Variants in RGS11 observed in about 807,000 individuals in gnomAD.
RGS11 encodes the protein regulator of G-protein signaling 11.
RGS11 carries 86 observed loss-of-function variants against 71.1 expected under a neutral mutation model. The ratio of observed to expected loss-of-function variants is 1.21; its 90% confidence interval spans 1.02 to 1.45. The LOEUF is 1.45. Among genes scored for constraint, RGS11 ranks in the 40% most tolerant of loss-of-function variants. RGS11 has a pLI of 0.00. For missense variants in RGS11, 734 were observed against 635.1 expected, an observed-to-expected ratio of 1.16 and a Z score of -1.67; for synonymous variants, 298 against 254.2, an observed-to-expected ratio of 1.17 and a Z score of -1.64.
chr16:274,916 T>G (rs1489743809), intron 4 of RGS11, 60 bp downstream of exon 4: 1 of 1,479,050 alleles, frequency 6.8e-7, no homozygotes, highest in South Asian at 1.2e-5. Context: ...CCCGAGTTGG[T>G]AAGCTGGGTG....
chr16:275,872 CCCGGGGGCGG>C lies in RGS11; in HGVS notation c.30_39del (p.Pro12ArgfsTer5). On this transcript the variant is annotated frameshift_variant, in exon 1 of 17. Transcript: ENST00000397770. LOFTEE classifies it high-confidence loss of function. ...ACCTTCCTCAGATGCGGCATCTGCG[CCCGGGGGCGG>C]CCGGGGGGCGGCGCGGGGCCGGCGG... is the stretch of plus-strand genomic sequence containing the variant. The C allele has an allele frequency of 4.9e-6, 5 of 1,022,638 alleles. No homozygotes were observed. Among genetic ancestry groups the C allele is most frequent in the Non-Finnish European group, 4.8e-6 (4 of 839,250 alleles). 63.3% of individuals were successfully genotyped at this position (1,022,638 alleles called of 1,614,324 possible). A position where few individuals can be genotyped will look rare whatever the true frequency, so the allele number is the denominator to read the frequency against.
rs745943037 is a variant in RGS11, at chr16:274,077, A to C, written c.395T>G (p.Ile132Ser). 42 of 1,551,356 alleles carry C rather than the reference A, an allele frequency of 2.7e-5. No individual in the cohort carries two copies. Among genetic ancestry groups the C allele is most frequent in the Non-Finnish European group, 3.6e-5 (41 of 1,147,322 alleles). The change falls in exon 6 of 17, where the codon ATC becomes AGC. Residue 132 changes from isoleucine to serine, a missense_variant. By Grantham distance (142) the Ile-to-Ser change is moderately radical. Transcript: ENST00000397770. Reference sequence around the variant, plus strand: ...ATCCACCAGGGTCCCCCGTTTTCGGATGTTCTTCTTGGCCAGGTAGATGGC... The same window carrying C: ...ATCCACCAGGGTCCCCCGTTTTCGGCTGTTCTTCTTGGCCAGGTAGATGGC... ...DYAIYLAKKN[I>S]RKRGTLVDYE... is the part of the protein sequence containing the mutation.
At chr16:270,411 G>A in intron 15 of RGS11, 112 bp downstream of exon 15, 2 of 1,319,066 alleles carry the variant, frequency 1.5e-6, no homozygotes, top group Non-Finnish European at 2.1e-6. Flanking sequence ...GTGCTCCCCA[G>A]GGGCAGAGTC....
At position 270,646 on chromosome 16, in the gene RGS11, G is replaced by A. The variant is rs142035342; in HGVS notation, c.1083C>T (p.Pro361=). The change falls in exon 15 of 17, where the codon CCC becomes CCT. Residue 361 remains proline, a synonymous_variant. Coordinates refer to ENST00000397770, the MANE Select transcript of RGS11 (RefSeq NM_183337.3). ...CGATGTTGACCCAGTGGGCAGCTCCGGGGGCCAGGAACTGCCTAGGGGTGG... is the reference window on the plus strand; with the variant it reads ...CGATGTTGACCCAGTGGGCAGCTCCAGGGGCCAGGAACTGCCTAGGGGTGG... ...VDAVYEQFLA[P]GAAHWVNIDS... is the part of the protein sequence containing the mutation. 19 of 1,609,230 alleles carry A rather than the reference G, an allele frequency of 1.2e-5. No individual in the cohort carries two copies. The highest frequency in any genetic ancestry group is 1.1e-4 in the African/African-American group (8 of 74,834).
intron 15 of RGS11, among the ~76,000 whole-genome samples, chr16:270,146 G>A (rs892555483): frequency 3.8e-4 from 58 of 152,152 alleles, no homozygotes; most frequent in Non-Finnish European, 3.8e-4. Context: ...CTACTCAGGA[G>A]GCTGAGGCAG....
intron 7 of RGS11, 68 bp downstream of exon 7, chr16:273,692 T>C: frequency 6.4e-7 from 1 of 1,560,268 alleles, no homozygotes; most frequent in Non-Finnish European, 8.8e-7. Flanking sequence ...GAGCCTGGCC[T>C]GGGCTGGGCT....
At position 270,660 on chromosome 16, in the gene RGS11, G is replaced by A. The variant is rs1191824318; in HGVS notation, c.1069C>T (p.Gln357Ter). The change falls in exon 15 of 17, where the codon CAG becomes TAG. Residue 357 changes from glutamine (Q) to a stop codon, truncating the protein, a stop_gained and splice_region_variant. Transcript: ENST00000397770. LOFTEE classifies it high-confidence loss of function. ...VPTLVDAVYE[Q>*]FLAPGAAHWV... Reference sequence around the variant, plus strand: ...TGGGCAGCTCCGGGGGCCAGGAACTGCCTAGGGGTGGGGACAGCACTGGGT... The same window carrying A: ...TGGGCAGCTCCGGGGGCCAGGAACTACCTAGGGGTGGGGACAGCACTGGGT... The A allele has an allele frequency of 1.9e-6, 3 of 1,610,070 alleles. No individual in the cohort carries two copies. Among genetic ancestry groups the A allele is most frequent in the Non-Finnish European group, 2.5e-6 (3 of 1,178,868 alleles).
intron 6 of RGS11, 44 bp downstream of exon 6, chr16:273,999 C>A: frequency 6.5e-7 from 1 of 1,534,928 alleles, no homozygotes; most frequent in Non-Finnish European, 8.8e-7. Context: ...GCTTGGGTTC[C>A]TCCAGCTGTA....
intron 9 of RGS11, 61 bp downstream of exon 9, chr16:272,802 C>T: frequency 1.8e-5 from 28 of 1,536,292 alleles, no homozygotes; most frequent in Non-Finnish European, 2.4e-5. Flanking sequence ...CATGGTGCGT[C>T]CAGCAGGGTG....
At chr16:275,135 G>T in intron 3 of RGS11, 53 bp from the exon 4 acceptor site, 4 of 1,503,934 alleles carry the variant, frequency 2.7e-6, no homozygotes, top group Non-Finnish European at 2.7e-6. Context: ...GCGAGGGCGG[G>T]ACGAGCCGGG....
chr16:270,866 G>A lies in RGS11; in HGVS notation c.980-35C>T, dbSNP rs28489087. ...CGGGCACCCAGTCAAGGATCCCATC[G>A]AGAGTGGCAGCCAGGGCCGGTGGGG... On this transcript the variant is annotated intron_variant, in intron 13 of 16. Transcript: ENST00000397770. The A allele has an allele frequency of 0.014, 22,685 of 1,601,032 alleles. 2,691 individuals carry two copies. The African/African-American group carries it at 0.26, about 18-fold the overall frequency.
Position 271,442 on chromosome 16 carries a change from C to A in RGS11, c.706G>T (p.Ala236Ser), listed in dbSNP as rs1261530745. Residue 236 changes from alanine to serine, a missense_variant, in exon 11 of 17, where the codon GCG (alanine) becomes TCG (serine). Ala to Ser is a moderately conservative substitution (Grantham distance 99, BLOSUM62 1). Transcript: ENST00000397770. ...HKREIEYFRKALGRTRVKSSV... is the reference protein window; with the variant it reads ...HKREIEYFRKSLGRTRVKSSV... ...GACTTCACTCGGGTCCTGCCCAGCGCTTTCCTGAAGTACTCGATCTAGGAT... is the reference window on the plus strand; with the variant it reads ...GACTTCACTCGGGTCCTGCCCAGCGATTTCCTGAAGTACTCGATCTAGGAT... The A allele has an allele frequency of 6.2e-7, 1 of 1,613,874 alleles. No homozygotes were observed. Among genetic ancestry groups the A allele is most frequent in the Admixed American group, 1.7e-5 (1 of 60,014 alleles).
Position 274,317 on chromosome 16 carries a change from C to T in RGS11, c.319-52G>A, listed in dbSNP as rs534088012. On this transcript the variant is annotated intron_variant, in intron 4 of 16. Coordinates refer to ENST00000397770, the MANE Select transcript of RGS11 (RefSeq NM_183337.3). ...CAGGACGCCTGCGTCTGTGCCTCCC[C>T]AGTGTCACCCCACCCTCAGACCTCC... The T allele has an allele frequency of 1.0e-5, 16 of 1,563,064 alleles. No homozygotes were observed. The South Asian group carries it at 1.2e-4, about 11-fold the overall frequency.
chr16:274,594 G>A (rs1054587856), intron 4 of RGS11: 13 of 596,468 alleles, frequency 2.2e-5, no homozygotes, highest in Middle Eastern at 2.6e-4. Flanking sequence ...ACAACCGACG[G>A]CAGGTCGGCC....
rs774376144 is a variant in RGS11 at position 270,819 on chromosome 16, C to G, written c.992G>C (p.Ser331Thr). The change falls in exon 14 of 17, where the codon AGC (serine) becomes ACC (threonine). Residue 331 changes from serine to threonine, a missense_variant. Physicochemically the swap from Ser to Thr is moderately conservative, Grantham distance 58 (BLOSUM62 1). Transcript: ENST00000397770. The part of the protein sequence containing the change: ...LGKEFSGENL[S>T]FWEACEELRY... ...AAGCTCCTCACATGCCTCCCAGAAG[C>G]TGAGGTTTTCTCCTGGGGGGCCGGG... The G allele has an allele frequency of 1.9e-6, 3 of 1,611,582 alleles. No homozygotes were observed. The highest frequency in any genetic ancestry group is 2.7e-5 in the African/African-American group (2 of 74,900).
In RGS11 at chr16:268,588, T is replaced by G; in HGVS notation, c.*681A>C. On this transcript the variant is annotated 3_prime_UTR_variant, in exon 17 of 17. Transcript: ENST00000397770. The stretch of plus-strand genomic sequence containing the variant: ...ACCCTATGGAATCGGGCCTCGTCAG[T>G]GGGGTGACAATGTCAGAGTTGTCTA... 2 of 618,518 alleles carry G rather than the reference T, an allele frequency of 3.2e-6. No homozygotes were observed. The highest frequency in any genetic ancestry group is 5.7e-6 in the Non-Finnish European group (2 of 348,844). 38.3% of individuals were successfully genotyped at this position (618,518 alleles called of 1,614,324 possible).
chr16:274,099 T>C lies in RGS11; in HGVS notation c.373A>G (p.Ile125Val), dbSNP rs780394266. ...CGGATGTTCTTCTTGGCCAGGTAGA[T>C]GGCTGGAAGAACAGGGACAGCCTGC... Reference protein sequence around the residue: ...LRPAAELDYAIYLAKKNIRKR... With the variant: ...LRPAAELDYAVYLAKKNIRKR... The change falls in exon 6 of 17, where the codon ATC (isoleucine) becomes GTC (valine). Residue 125 changes from isoleucine (I) to valine (V), a missense_variant and splice_region_variant. Ile to Val is a conservative substitution (Grantham distance 29). Coordinates refer to ENST00000397770, the MANE Select transcript of RGS11 (RefSeq NM_183337.3). The C allele has an allele frequency of 1.2e-5, 18 of 1,553,060 alleles. No individual in the cohort carries two copies. Among genetic ancestry groups the C allele is most frequent in the African/African-American group, 1.4e-5 (1 of 73,116 alleles).
chr16:275,206 T>C, intron 3 of RGS11, 77 bp downstream of exon 3: 1 of 1,605,838 alleles, frequency 6.2e-7, no homozygotes, highest in Non-Finnish European at 8.5e-7. Flanking sequence ...CTCTGAGAAC[T>C]GCCAGACTCC....
chr16:271,445 T>C lies in RGS11; in HGVS notation c.703A>G (p.Lys235Glu), dbSNP rs1427076379. The C allele has an allele frequency of 6.8e-6, 11 of 1,613,722 alleles. No individual in the cohort carries two copies. The highest frequency in any genetic ancestry group is 8.5e-6 in the Non-Finnish European group (10 of 1,179,984). ...TTCACTCGGGTCCTGCCCAGCGCTTTCCTGAAGTACTCGATCTAGGATGTG... is the reference window on the plus strand; with the variant it reads ...TTCACTCGGGTCCTGCCCAGCGCTTCCCTGAAGTACTCGATCTAGGATGTG... ...FHKREIEYFR[K>E]ALGRTRVKSS... The change falls in exon 11 of 17, where the codon AAA becomes GAA. Residue 235 changes from lysine (K) to glutamate (E), a missense_variant. Transcript: ENST00000397770.
Sources: allele counts gnomAD v4.1 joint callset (sites outside exome capture counted in the v4.1 genomes callset), GRCh38; gene constraint gnomAD v4.1.1; transcripts MANE v1.5; gene names NCBI Gene and HGNC (gene_info 2026-07-23, HGNC 2026-07-21).